Variants in PLAG1 observed in about 807,000 individuals in gnomAD.
The protein encoded by PLAG1 is PLAG1 zinc finger.
In PLAG1, 7 loss-of-function variants were observed where a neutral mutation model predicts 35.5. The ratio of observed to expected loss-of-function variants is 0.20; its 90% CI spans 0.11 to 0.37. The LOEUF is 0.37. Ranked by LOEUF, PLAG1 falls within the 10% of genes least tolerant of loss-of-function variation. The pLI is 1.00. For synonymous variants in PLAG1, 229 were observed against 225.4 expected (o/e 1.02, Z -0.14); for missense variants, 454 against 602.8 (o/e 0.75, Z 2.58).
Position 56,196,682 on chromosome 8 carries a change from G to A in PLAG1, c.-322+14439C>T, listed in dbSNP as rs529391097. The stretch of plus-strand genomic sequence containing the variant: ...CAGCGTGTGCACATCTCTTGACCCC[G>A]CGTGTCTCCTGTCACTGCCCTTGGT... On this transcript the variant is annotated intron_variant, in intron 1 of 4. Coordinates refer to ENST00000316981, the MANE Select transcript of PLAG1 (RefSeq NM_002655.3). Among the ~76,000 whole-genome samples the A allele has an allele frequency of 5.3e-5, 8 of 152,204 alleles. No homozygotes were observed. The South Asian group carries it at 6.2e-4, about 12-fold the overall frequency.
chr8:56,167,581 C>G lies in PLAG1; in HGVS notation c.243-78G>C, dbSNP rs889978434. ...ATTCACTTTTCAAATGGAAGCTAAA[C>G]TACTATGCTAACACAGAATTCCCTT... On this transcript the variant is annotated intron_variant, in intron 4 of 4. Coordinates refer to ENST00000316981, the MANE Select transcript of PLAG1 (RefSeq NM_002655.3). This position sits in a 1 kb window ranked among gnomAD's most constrained non-coding sequence, Gnocchi z 5.9. 4.8e-6 allele frequency: 4 copies of G among 841,500 alleles called. No individual in the cohort carries two copies. In the African/African-American group the frequency reaches 6.9e-5, roughly 14 times the overall value. 52.1% of individuals were successfully genotyped at this position (841,500 alleles called of 1,614,324 possible). A position where few individuals can be genotyped will look rare whatever the true frequency, so the allele number is the denominator to read the frequency against.
rs1333122543 is a variant in PLAG1, at chr8:56,164,597, C to T, written c.*1646G>A. 1 of 221,760 alleles carries T rather than the reference C, an allele frequency of 4.5e-6. No homozygotes were observed. Among genetic ancestry groups the T allele is most frequent in the African/African-American group, 2.2e-5 (1 of 44,474 alleles). 13.7% of individuals were successfully genotyped at this position (221,760 alleles called of 1,614,324 possible). ...AAAGAGATATATACTCTTCTAAAAA[C>T]CTCCCACCCTTGCCCCCATCCCCAA... On this transcript the variant is annotated 3_prime_UTR_variant, in exon 5 of 5. Transcript: ENST00000316981.
intron 1 of PLAG1, among the ~76,000 whole-genome samples, chr8:56,199,731 C>A (rs868425652): frequency 3.3e-5 from 5 of 152,058 alleles, no homozygotes; most frequent in Admixed American, 2.0e-4. Flanking sequence ...CTCCACCACC[C>A]CCCCCGATCC....
intron 1 of PLAG1, among the ~76,000 whole-genome samples, chr8:56,201,704 AATC>A (rs1215407822): frequency 2.0e-5 from 3 of 152,322 alleles, no homozygotes; most frequent in Admixed American, 2.0e-4. Flanking sequence ...TTCCTTCTGA[AATC>A]ATTATTGCTT....
intron 1 of PLAG1, among the ~76,000 whole-genome samples, chr8:56,195,776 C>T (rs916997106): frequency 5.9e-5 from 9 of 152,064 alleles, no homozygotes; most frequent in East Asian, 1.9e-4. Flanking sequence ...GAACAGGTGA[C>T]GGTGCAAGCC....
At position 56,163,210 on chromosome 8, in the gene PLAG1, CTTTTTTTTTTTTT is replaced by C. The variant is rs34779318; in HGVS notation, c.*3020_*3032del. 1.3e-3 allele frequency: 124 copies of C among 97,236 alleles called. 4 individuals carry two copies. Among genetic ancestry groups the C allele is most frequent in the African/African-American group, 5.7e-3 (114 of 19,940 alleles). 6.0% of individuals were successfully genotyped at this position (97,236 alleles called of 1,614,324 possible). On this transcript the variant is annotated 3_prime_UTR_variant, in exon 5 of 5. Transcript: ENST00000316981. ...AACTACTTTTATTTAATGTTAATCC[CTTTTTTTTTTTTT>C]TTTTTTTTTTTTTAACCAAGCTAAG...
intron 1 of PLAG1, among the ~76,000 whole-genome samples, chr8:56,182,062 G>A (rs1811885037): frequency 6.6e-6 from 1 of 152,190 alleles, no homozygotes; most frequent in Non-Finnish European, 1.5e-5. Flanking sequence ...ATGCTGTACG[G>A]ATTCAGATGA....
intron 2 of PLAG1, among the ~76,000 whole-genome samples, chr8:56,179,023 CAAAAAAAA>C (rs1173709224): frequency 7.0e-5 from 3 of 42,934 alleles, no homozygotes; most frequent in Admixed American, 3.0e-4. Context: ...GCCCAGGAGA[CAAAAAAAA>C]AAAAAAAAAA....
chr8:56,197,778 C>T (rs1455198791), intron 1 of PLAG1, among the ~76,000 whole-genome samples: 4 of 152,158 alleles, frequency 2.6e-5, no homozygotes, highest in African/African-American at 9.7e-5. Context: ...TTGTCTCTGC[C>T]ACCCCCATGG....
intron 1 of PLAG1, among the ~76,000 whole-genome samples, chr8:56,203,976 T>C (rs1812630671): frequency 6.6e-6 from 1 of 152,018 alleles, no homozygotes; most frequent in Non-Finnish European, 1.5e-5. Flanking sequence ...TTATTTATAA[T>C]AGGATATGCT....
intron 1 of PLAG1, among the ~76,000 whole-genome samples, chr8:56,206,677 CACTT>C (rs1812710193): frequency 6.6e-6 from 1 of 151,962 alleles, no homozygotes; most frequent in African/African-American, 2.4e-5. Context: ...ACTACCTAAA[CACTT>C]ACTAATTGGT....
intron 1 of PLAG1, among the ~76,000 whole-genome samples, chr8:56,197,612 C>T (rs1187047527): frequency 6.6e-6 from 1 of 152,228 alleles, no homozygotes; most frequent in Non-Finnish European, 1.5e-5. Context: ...TTTACACATA[C>T]CTGCACAGAC....
chr8:56,184,326 A>G (rs1563382901), intron 1 of PLAG1, among the ~76,000 whole-genome samples: 1 of 152,356 alleles, frequency 6.6e-6, no homozygotes, highest in East Asian at 1.9e-4. Context: ...AACACTGGAC[A>G]GTATCAAGAG....
At position 56,164,634 on chromosome 8, in the gene PLAG1, C is replaced by T. The variant is rs139723624; in HGVS notation, c.*1609G>A. 4.5e-6 allele frequency: 1 copy of T among 222,696 alleles called. No individual in the cohort carries two copies. Among genetic ancestry groups the T allele is most frequent in the African/African-American group, 2.2e-5 (1 of 44,780 alleles). 13.8% of individuals were successfully genotyped at this position (222,696 alleles called of 1,614,324 possible). Reference sequence around the variant, plus strand: ...GCCCCCATCCCCAACGGAAAGGGTCCTAAAATAAGGTGTTAACAAGTGCTT... The same window carrying T: ...GCCCCCATCCCCAACGGAAAGGGTCTTAAAATAAGGTGTTAACAAGTGCTT... On this transcript the variant is annotated 3_prime_UTR_variant, in exon 5 of 5. Coordinates refer to ENST00000316981, the MANE Select transcript of PLAG1 (RefSeq NM_002655.3).
intron 1 of PLAG1, among the ~76,000 whole-genome samples, chr8:56,206,181 A>G (rs1360645378): frequency 2.0e-5 from 3 of 151,994 alleles, no homozygotes; most frequent in Non-Finnish European, 4.4e-5. Flanking sequence ...TATCCTTGTC[A>G]GTACCACCCT....
chr8:56,162,932 C>T lies in PLAG1; in HGVS notation c.*3311G>A. The T allele has an allele frequency of 4.6e-6, 1 of 215,344 alleles. No individual in the cohort carries two copies. Among genetic ancestry groups the T allele is most frequent in the Non-Finnish European group, 9.4e-6 (1 of 106,422 alleles). 13.3% of individuals were successfully genotyped at this position (215,344 alleles called of 1,614,324 possible). A position where few individuals can be genotyped will look rare whatever the true frequency, so the allele number is the denominator to read the frequency against. On this transcript the variant is annotated 3_prime_UTR_variant, in exon 5 of 5. Transcript: ENST00000316981. Reference sequence around the variant, plus strand: ...AACACTAAATGAAATAAAAAAGTTGCACACAGAGTGATGCATAATCAGCCA... The same window carrying T: ...AACACTAAATGAAATAAAAAAGTTGTACACAGAGTGATGCATAATCAGCCA...
At chr8:56,176,736 A>C (rs1452722780) in intron 2 of PLAG1, among the ~76,000 whole-genome samples, 1 of 152,040 alleles carries the variant, frequency 6.6e-6, no homozygotes, top group African/African-American at 2.4e-5. Flanking sequence ...GGTAGCCCAC[A>C]GGTCAGCTCA....
At position 56,165,436 on chromosome 8, in the gene PLAG1, C is replaced by T. The variant is rs140197300; in HGVS notation, c.*807G>A. 2.4e-3 allele frequency: 511 copies of T among 216,276 alleles called. No individual in the cohort carries two copies. Among genetic ancestry groups the T allele is most frequent in the African/African-American group, 0.011 (476 of 44,458 alleles). The allele number at this position is 216,276 out of a possible 1,614,324, so 13.4% of individuals were successfully genotyped here. The stretch of plus-strand genomic sequence containing the variant: ...AGACTAAAGAGATCTACCTATATAT[C>T]GACTCTGAAGACCCCAATGCCATAC... On this transcript the variant is annotated 3_prime_UTR_variant, in exon 5 of 5. Transcript: ENST00000316981.
At chr8:56,197,388 G>A (rs1812411057) in intron 1 of PLAG1, among the ~76,000 whole-genome samples, 2 of 152,196 alleles carry the variant, frequency 1.3e-5, no homozygotes, top group Admixed American at 1.3e-4. Context: ...CCCCAGTCCA[G>A]GTGTCCTCAG....
Sources: gnomAD v4.1 joint callset for allele counts (sites outside exome capture counted in the v4.1 genomes callset) on GRCh38, gnomAD v4.1.1 for gene constraint, Gnocchi (gnomAD v3.1) non-coding constraint, MANE v1.5 for transcripts, NCBI Gene and HGNC (gene_info 2026-07-23, HGNC 2026-07-21) for gene names.